The following PGR variants were observed in gnomAD, a reference collection of about 807,000 sequenced individuals.
PGR encodes nuclear receptor subfamily 3 group C member 3.
A neutral mutation model predicts 76.1 loss-of-function variants in PGR; 25 were observed. The observed-to-expected ratio is 0.33, with a 90% CI of 0.24 to 0.46. The LOEUF (loss-of-function observed/expected upper bound fraction) is 0.46. Among genes scored for constraint, PGR ranks in the 20% least tolerant of loss-of-function variants. The probability of loss-of-function intolerance (pLI) is 1.00; values close to 1 mark genes in which losing one functional copy is unlikely to be tolerated. For missense variants in PGR, 1,172 were observed against 1,225.3 expected, an observed-to-expected ratio of 0.96 and a Z score of 0.65; for synonymous variants, 579 against 535.0, an observed-to-expected ratio of 1.08 and a Z score of -1.14.
intron 2 of PGR, among the ~76,000 whole-genome samples, 174 bp from the exon 3 acceptor site, chr11:101,092,050 C>A (rs547680076): frequency 1.1e-4 from 17 of 152,284 alleles, no homozygotes; most frequent in Admixed American, 1.0e-3. Flanking sequence ...CAGTACTTTA[C>A]CTGTGCCTTT....
At chr11:101,103,758 A>C (rs568014307) in intron 2 of PGR, among the ~76,000 whole-genome samples, 1 of 152,330 alleles carries the variant, frequency 6.6e-6, no homozygotes, top group South Asian at 2.1e-4. Context: ...CTTCTCATGA[A>C]AAATTTTAAA....
In PGR at chr11:101,057,070, CT is replaced by C. The variant is rs1024369655; in HGVS notation, c.2212+5376del. The stretch of plus-strand genomic sequence containing the variant: ...AAGGTTAGAAAGATGCTGTTTCTGC[CT>C]TTAACACTATAGGCTTGTGAGACAG... On this transcript the variant is annotated intron_variant, in intron 4 of 7. Coordinates refer to ENST00000325455, the MANE Select transcript of PGR (RefSeq NM_000926.4). 3.9e-5 allele frequency among the ~76,000 whole-genome samples: 6 copies of C among 152,230 alleles called. No individual in the cohort carries two copies. The East Asian group carries it at 5.8e-4, about 15-fold the overall frequency.
At chr11:101,102,982 T>C (rs1862043127) in intron 2 of PGR, among the ~76,000 whole-genome samples, 1 of 151,706 alleles carries the variant, frequency 6.6e-6, no homozygotes, top group East Asian at 2.0e-4. Flanking sequence ...CAGTTTGCAA[T>C]AGGGTTTGCG....
At chr11:101,045,666 TG>T (rs1859850085) in intron 6 of PGR, among the ~76,000 whole-genome samples, 2 of 14,472 alleles carry the variant, frequency 1.4e-4, no homozygotes, top group Non-Finnish European at 3.3e-4. Flanking sequence ...TATTCCATTT[TG>T]TGTGTGTGTG....
chr11:101,042,866 C>A (rs1057163895), intron 6 of PGR, among the ~76,000 whole-genome samples: 2 of 152,106 alleles, frequency 1.3e-5, no homozygotes, highest in Admixed American at 1.3e-4. Context: ...AGTGAACACA[C>A]CTTAACTAAA....
intron 2 of PGR, among the ~76,000 whole-genome samples, chr11:101,112,577 G>T (rs1862377177): frequency 6.6e-6 from 1 of 152,188 alleles, no homozygotes; most frequent in African/African-American, 2.4e-5. Flanking sequence ...TTAGCTGAAA[G>T]TGAGGACAGG....
intron 2 of PGR, among the ~76,000 whole-genome samples, chr11:101,095,172 G>A (rs1861797552): frequency 6.6e-6 from 1 of 152,104 alleles, no homozygotes; most frequent in Admixed American, 6.5e-5. Flanking sequence ...TAATATTTAA[G>A]TTAATGTATT....
At chr11:101,127,378 GCCAACGGAACCGCTACTC>G in intron 1 of PGR, 38 bp downstream of exon 1, 1 of 1,346,262 alleles carries the variant, frequency 7.4e-7, no homozygotes, top group Non-Finnish European at 9.8e-7. Flanking sequence ...GGCCGCCGCC[GCCAACGGAACCGCTACTC>G]CCGGACGCGC....
intron 7 of PGR, among the ~76,000 whole-genome samples, chr11:101,039,783 A>T (rs11571266): frequency 6.6e-6 from 1 of 152,054 alleles, no homozygotes; most frequent in African/African-American, 2.4e-5. Context: ...AAACAGCAGC[A>T]GCAGCAGCAT....
At chr11:101,060,583 G>A (rs1860456096) in intron 4 of PGR, among the ~76,000 whole-genome samples, 1 of 152,072 alleles carries the variant, frequency 6.6e-6, no homozygotes, top group Non-Finnish European at 1.5e-5. Context: ...GTCCATCCAA[G>A]TCCTTTCTCA....
intron 5 of PGR, 116 bp downstream of exon 5, chr11:101,051,308 C>G (rs1860080961): frequency 2.9e-6 from 2 of 693,808 alleles, no homozygotes; most frequent in Admixed American, 5.1e-5. Flanking sequence ...CGTAAAATGA[C>G]AGTAATGTCA....
At position 101,102,041 on chromosome 11, in the gene PGR, T is replaced by C. The variant is rs1862012286; in HGVS notation, c.1790-10165A>G. On this transcript the variant is annotated intron_variant, in intron 2 of 7. Transcript: ENST00000325455. ...GGAAAAATCAGACAAAGCCAGATTA[T>C]GGAACTTTCTACAAAACGGCTGGCC... Among the ~76,000 whole-genome samples, 3 of 152,110 alleles carry C rather than the reference T, an allele frequency of 2.0e-5. No individual in the cohort carries two copies. In the South Asian group the frequency reaches 6.2e-4, roughly 32 times the overall value.
intron 2 of PGR, among the ~76,000 whole-genome samples, chr11:101,103,010 T>G (rs1162709237): frequency 6.6e-6 from 1 of 151,868 alleles, no homozygotes; most frequent in Non-Finnish European, 1.5e-5. Flanking sequence ...GAGAATCTAA[T>G]GCCACCACTG....
intron 6 of PGR, among the ~76,000 whole-genome samples, chr11:101,043,015 T>C (rs1455010494): frequency 6.6e-6 from 1 of 152,172 alleles, no homozygotes; most frequent in African/African-American, 2.4e-5. Flanking sequence ...TTGGGGTGGC[T>C]ATGACAGTTT....
In PGR at chr11:101,035,655, T is replaced by A. The variant is rs2135370793; in HGVS notation, c.*3461A>T. On this transcript the variant is annotated 3_prime_UTR_variant, in exon 8 of 8. Transcript: ENST00000325455. ...AGACACTTAAAAATGTTAAAATCAGTGTCATTATTTTAAAATGTCTACAAT... is the reference window on the plus strand; with the variant it reads ...AGACACTTAAAAATGTTAAAATCAGAGTCATTATTTTAAAATGTCTACAAT... 4.3e-6 allele frequency: 1 copy of A among 232,098 alleles called. No individual in the cohort carries two copies. The highest frequency in any genetic ancestry group is 5.6e-5 in the Admixed American group (1 of 17,766). The allele number at this position is 232,098 out of a possible 1,614,324, so 14.4% of individuals were successfully genotyped here. A position where few individuals can be genotyped will look rare whatever the true frequency, so the allele number is the denominator to read the frequency against.
At chr11:101,099,454 A>G (rs1415801069) in intron 2 of PGR, among the ~76,000 whole-genome samples, 2 of 152,132 alleles carry the variant, frequency 1.3e-5, no homozygotes, top group Non-Finnish European at 2.9e-5. Flanking sequence ...TGATCTTTAA[A>G]TTTTTTGGTC....
chr11:101,106,109 C>T (rs1043586889), intron 2 of PGR, among the ~76,000 whole-genome samples: 6 of 152,034 alleles, frequency 3.9e-5, no homozygotes, highest in African/African-American at 7.2e-5. Context: ...TGTAAGACTG[C>T]AAACCATAAA....
At chr11:101,120,067 A>G (rs1333875189) in intron 2 of PGR, among the ~76,000 whole-genome samples, 4 of 152,248 alleles carry the variant, frequency 2.6e-5, no homozygotes, top group Non-Finnish European at 4.4e-5. Flanking sequence ...AGCCTCTTGC[A>G]CAACATCAAG....
rs140632543 is a variant in PGR, at chr11:101,056,211, A to C, written c.2213-4643T>G. Among the ~76,000 whole-genome samples, 268 of 146,272 alleles carry C rather than the reference A, an allele frequency of 1.8e-3. 1 individual carries two copies. Among genetic ancestry groups the C allele is most frequent in the African/African-American group, 6.4e-3 (254 of 39,942 alleles). On this transcript the variant is annotated intron_variant, in intron 4 of 7. Transcript: ENST00000325455. ...TCACATGGAGAAGTGATGGATTATCACTAATTGTGTTTAACAAATGTTAAA... is the reference window on the plus strand; with the variant it reads ...TCACATGGAGAAGTGATGGATTATCCCTAATTGTGTTTAACAAATGTTAAA...
Sources: gnomAD v4.1 joint callset for allele counts (sites outside exome capture counted in the v4.1 genomes callset) on GRCh38, gnomAD v4.1.1 for gene constraint, MANE v1.5 for transcripts, NCBI Gene and HGNC (gene_info 2026-07-23, HGNC 2026-07-21) for gene names.